Variants in ARHGEF10L observed in about 807,000 individuals in gnomAD.
The protein encoded by ARHGEF10L is rho guanine nucleotide exchange factor 10-like protein.
ARHGEF10L carries 69 observed loss-of-function variants against 141.2 expected under a neutral mutation model. The observed-to-expected ratio is 0.49, with a 90% CI of 0.40 to 0.60. The LOEUF (loss-of-function observed/expected upper bound fraction) is 0.60. ARHGEF10L is among the 20% of genes least tolerant of loss of function. The pLI, the probability that ARHGEF10L is intolerant of heterozygous loss-of-function variation, is 0.00. For missense variants in ARHGEF10L, 1,482 were observed against 1,734.3 expected (o/e 0.85, Z 2.58); for synonymous variants, 711 against 718.5 (o/e 0.99, Z 0.17).
At chr1:17,687,535 G>A (rs1444560410) in intron 26 of ARHGEF10L, 38 bp from the exon 27 acceptor site, 2 of 1,609,294 alleles carry the variant, frequency 1.2e-6, no homozygotes, top group African/African-American at 2.7e-5. Flanking sequence ...CAGCTGGCAG[G>A]CCCAGCCAGT....
chr1:17,572,369 C>G (rs1453884308), intron 1 of ARHGEF10L, among the ~76,000 whole-genome samples: 2 of 152,168 alleles, frequency 1.3e-5, no homozygotes, highest in Admixed American at 6.5e-5. Context: ...CACCTGTGAC[C>G]GATGGAGAGC....
At chr1:17,642,255 C>T (rs923946906) in intron 21 of ARHGEF10L, among the ~76,000 whole-genome samples, 1 of 152,142 alleles carries the variant, frequency 6.6e-6, no homozygotes, top group African/African-American at 2.4e-5. Flanking sequence ...AGGCGGGGTC[C>T]TCAGAAGCTG....
chr1:17,592,052 G>A (rs2079589339), intron 4 of ARHGEF10L, among the ~76,000 whole-genome samples: 1 of 152,164 alleles, frequency 6.6e-6, no homozygotes, highest in African/African-American at 2.4e-5. Flanking sequence ...TTCTCCTGGT[G>A]GACTCTGAAG....
In ARHGEF10L at chr1:17,627,251, G is replaced by C. The variant is rs918449469; in HGVS notation, c.1411-79G>C. ...GCAGACCCAGTGTGTGTAGGGGGTT[G>C]CGCAGGGTGAGGCTTTGCCCCAGGC... On this transcript the variant is annotated intron_variant, in intron 14 of 28. Coordinates refer to ENST00000361221, the MANE Select transcript of ARHGEF10L (RefSeq NM_018125.4). The surrounding 1 kb of genome is among the most constrained non-coding windows in gnomAD (Gnocchi z 4.0). 6 of 1,545,822 alleles carry C rather than the reference G, an allele frequency of 3.9e-6. No individual in the cohort carries two copies. Among genetic ancestry groups the C allele is most frequent in the Non-Finnish European group, 4.4e-6 (5 of 1,134,696 alleles).
At chr1:17,672,824 A>G (rs1455306794) in intron 26 of ARHGEF10L, among the ~76,000 whole-genome samples, 1 of 152,036 alleles carries the variant, frequency 6.6e-6, no homozygotes, top group Admixed American at 6.5e-5. Flanking sequence ...GGGACCCCAT[A>G]GGGCCTTCTT....
At chr1:17,661,385 G>C (rs1241726255) in intron 25 of ARHGEF10L, among the ~76,000 whole-genome samples, 1 of 152,282 alleles carries the variant, frequency 6.6e-6, no homozygotes, top group East Asian at 1.9e-4. Flanking sequence ...GCCTTTATGA[G>C]TTTTTTGATC....
At chr1:17,657,893 C>T (rs1487018407) in intron 25 of ARHGEF10L, among the ~76,000 whole-genome samples, 4 of 152,222 alleles carry the variant, frequency 2.6e-5, no homozygotes, top group African/African-American at 4.8e-5. Context: ...CCCATTCCCT[C>T]TTACTGCTCG....
At chr1:17,665,693 T>C (rs1396637195) in intron 26 of ARHGEF10L, among the ~76,000 whole-genome samples, 1 of 152,230 alleles carries the variant, frequency 6.6e-6, no homozygotes, top group African/African-American at 2.4e-5. Flanking sequence ...TCCTTTTCCT[T>C]ACTGTATCAG....
chr1:17,551,795 A>C (rs1050415112), intron 1 of ARHGEF10L, among the ~76,000 whole-genome samples: 1 of 152,192 alleles, frequency 6.6e-6, no homozygotes, highest in African/African-American at 2.4e-5. Flanking sequence ...GAGGTCTCCC[A>C]GCGTGCCAGG....
chr1:17,673,111 G>A lies in ARHGEF10L; in HGVS notation c.3009+8516G>A, dbSNP rs1049624620. Among the ~76,000 whole-genome samples, 1 of 152,218 alleles carries A rather than the reference G, an allele frequency of 6.6e-6. No homozygotes were observed. The highest frequency in any genetic ancestry group is 2.4e-5 in the African/African-American group (1 of 41,446). ...CTTGGTGAAGCCTGACCTGGAGCAGGAGGGAACCTGGAGGAAAAAGGGAAC... is the reference window on the plus strand; with the variant it reads ...CTTGGTGAAGCCTGACCTGGAGCAGAAGGGAACCTGGAGGAAAAAGGGAAC... On this transcript the variant is annotated intron_variant, in intron 26 of 28. Transcript: ENST00000361221. This position sits in a 1 kb window ranked among gnomAD's most constrained non-coding sequence, Gnocchi z 4.1.
chr1:17,640,106 A>G, intron 20 of ARHGEF10L, 96 bp from the exon 21 acceptor site: 2 of 1,508,762 alleles, frequency 1.3e-6, no homozygotes. Context: ...CTTGATCTCC[A>G]GGGCGCGTGG....
At chr1:17,584,860 C>T (rs978860263) in intron 2 of ARHGEF10L, among the ~76,000 whole-genome samples, 1 of 112,404 alleles carries the variant, frequency 8.9e-6, no homozygotes, top group African/African-American at 4.0e-5. Flanking sequence ...TGTGCGTGCA[C>T]ACACACACAC....
intron 21 of ARHGEF10L, among the ~76,000 whole-genome samples, chr1:17,641,911 G>A (rs557932266): frequency 7.3e-5 from 11 of 151,362 alleles, no homozygotes; most frequent in Non-Finnish European, 1.5e-4. Flanking sequence ...AACCTAGGAG[G>A]CGGAGGTTGC....
chr1:17,661,512 T>C (rs2062621695), intron 25 of ARHGEF10L, among the ~76,000 whole-genome samples: 1 of 152,202 alleles, frequency 6.6e-6, no homozygotes, highest in African/African-American at 2.4e-5. Flanking sequence ...ATGCAGTCCT[T>C]AGGGTTTTAG....
chr1:17,583,202 TAAAAAA>T (rs59088704), intron 2 of ARHGEF10L, among the ~76,000 whole-genome samples: 5 of 111,786 alleles, frequency 4.5e-5, no homozygotes, highest in East Asian at 2.6e-4. Context: ...GAGCTTCATT[TAAAAAA>T]AAAAAAAAAA....
At chr1:17,523,336 G>T in the ARHGEF10L span, among the ~76,000 whole-genome samples, 38 of 152,018 alleles carry the variant, frequency 2.5e-4, no homozygotes, top group African/African-American at 8.9e-4. Context: ...TAATCAGCCC[G>T]CCTTGGCCTC....
chr1:17,551,571 G>A (rs2077114122), intron 1 of ARHGEF10L, among the ~76,000 whole-genome samples: 1 of 152,196 alleles, frequency 6.6e-6, no homozygotes, highest in Non-Finnish European at 1.5e-5. Context: ...ACTGTTTCAA[G>A]CTAGGGGATG....
intron 25 of ARHGEF10L, among the ~76,000 whole-genome samples, chr1:17,663,733 C>T (rs2062788600): frequency 6.6e-6 from 1 of 152,130 alleles, no homozygotes; most frequent in African/African-American, 2.4e-5. Context: ...TCCTCAGAGA[C>T]AATCTTGTCA....
At chr1:17,612,957 C>A in intron 7 of ARHGEF10L, 101 bp from the exon 8 acceptor site, 4 of 806,764 alleles carry the variant, frequency 5.0e-6, no homozygotes, top group Non-Finnish European at 8.4e-6. Context: ...CCGCACTTTA[C>A]CTGAGTCTCC....
Sources: gnomAD v4.1 joint callset for allele counts (sites outside exome capture counted in the v4.1 genomes callset) on GRCh38, gnomAD v4.1.1 for gene constraint, Gnocchi (gnomAD v3.1) non-coding constraint, MANE v1.5 for transcripts, NCBI Gene and HGNC (gene_info 2026-07-23, HGNC 2026-07-21) for gene names.